Variants in MCCC2 observed in about 807,000 individuals in gnomAD.
MCCC2 encodes methylcrotonyl-CoA carboxylase subunit 2.
MCCC2 carries 52 observed loss-of-function variants against 77.2 expected under a neutral mutation model. That is an observed-to-expected ratio of 0.67 (90% confidence interval 0.54 to 0.85). The LOEUF (loss-of-function observed/expected upper bound fraction) is 0.85, where lower values mean the gene tolerates loss of function less well. Among genes scored for constraint, MCCC2 ranks in the 40% least tolerant of loss-of-function variants. The probability of loss-of-function intolerance (pLI) is 0.00; values close to 1 mark genes in which losing one functional copy is unlikely to be tolerated. For synonymous variants in MCCC2, 253 were observed against 248.4 expected (o/e 1.02, Z -0.18); for missense variants, 682 against 703.2 (o/e 0.97, Z 0.34).
intron 4 of MCCC2, among the ~76,000 whole-genome samples, chr5:71,600,425 A>G (rs1177137477): frequency 6.6e-6 from 1 of 151,430 alleles, no homozygotes. Flanking sequence ...CTAGCACATC[A>G]TTATAATTTT....
chr5:71,656,764 T>G lies in MCCC2; in HGVS notation c.1596T>G (p.Ile532Met), dbSNP rs1391230493. 2 of 1,614,088 alleles carry G rather than the reference T, an allele frequency of 1.2e-6. No homozygotes were observed. The highest frequency in any genetic ancestry group is 1.7e-6 in the Non-Finnish European group (2 of 1,179,956). ...TCAGGGTATGGGATGATGGGATCAT[T>G]GATCCAGCAGACACCAGACTGGTCT... ...SSARVWDDGI[I>M]DPADTRLVLG... The change falls in exon 17 of 17, where the codon ATT becomes ATG. Residue 532 changes from isoleucine to methionine, a missense_variant. Transcript: ENST00000340941.
intron 1 of MCCC2, among the ~76,000 whole-genome samples, chr5:71,590,275 T>C (rs1163484125): frequency 1.3e-5 from 2 of 152,142 alleles, no homozygotes; most frequent in African/African-American, 2.4e-5. Flanking sequence ...GCTAGGTTGG[T>C]TGATAAAGGA....
intron 3 of MCCC2, among the ~76,000 whole-genome samples, chr5:71,598,175 G>A (rs997103750): frequency 6.6e-6 from 1 of 151,086 alleles, no homozygotes; most frequent in African/African-American, 2.4e-5. Flanking sequence ...GGGTTCAAGC[G>A]ATTCTCCTGC....
At chr5:71,653,391 C>T (rs906102061) in intron 16 of MCCC2, among the ~76,000 whole-genome samples, 3 of 149,604 alleles carry the variant, frequency 2.0e-5, no homozygotes, top group African/African-American at 7.3e-5. Flanking sequence ...CATCTTTCTT[C>T]AACAACTTTA....
intron 6 of MCCC2, among the ~76,000 whole-genome samples, chr5:71,613,550 C>T (rs1192310442): frequency 1.3e-5 from 2 of 152,028 alleles, no homozygotes; most frequent in Non-Finnish European, 2.9e-5. Flanking sequence ...AATCCCAGTA[C>T]TTTGAGAGGC....
intron 16 of MCCC2, among the ~76,000 whole-genome samples, chr5:71,654,552 C>G (rs187061425): frequency 8.3e-4 from 126 of 151,688 alleles, no homozygotes; most frequent in African/African-American, 3.0e-3. Context: ...TTAAGCTTTT[C>G]TATAGTTTTT....
At chr5:71,614,049 C>CACACACACAT (rs1284730487) in intron 6 of MCCC2, among the ~76,000 whole-genome samples, 1 of 151,050 alleles carries the variant, frequency 6.6e-6, no homozygotes, top group Non-Finnish European at 1.5e-5. Flanking sequence ...CACACACACA[C>CACACACACAT]ATATATCAGT....
chr5:71,650,712 G>C (rs111961928), intron 15 of MCCC2, among the ~76,000 whole-genome samples: 1 of 152,076 alleles, frequency 6.6e-6, no homozygotes, highest in African/African-American at 2.4e-5. Flanking sequence ...GCAGTGGCAC[G>C]ATCTCGGCTC....
At chr5:71,607,412 C>T (rs1190147678) in intron 6 of MCCC2, among the ~76,000 whole-genome samples, 10 of 149,300 alleles carry the variant, frequency 6.7e-5, no homozygotes, top group East Asian at 4.0e-4. Flanking sequence ...TCTGTGGGAT[C>T]GGTGGTGATA....
intron 6 of MCCC2, among the ~76,000 whole-genome samples, chr5:71,612,216 A>G (rs1745981676): frequency 6.6e-6 from 1 of 152,064 alleles, no homozygotes; most frequent in South Asian, 2.1e-4. Context: ...TTTTTTTTGC[A>G]TGGTTGGAAT....
Position 71,609,809 on chromosome 5 carries a change from C to T in MCCC2, c.624+5341C>T, listed in dbSNP as rs1208382874. On this transcript the variant is annotated intron_variant, in intron 6 of 16. Coordinates refer to ENST00000340941, the MANE Select transcript of MCCC2 (RefSeq NM_022132.5). Reference sequence around the variant, plus strand: ...ACAGACAGGACCCTCAGCTGCAGGTCTGTTGGAATACCCTGCCGTGTGAGA... The same window carrying T: ...ACAGACAGGACCCTCAGCTGCAGGTTTGTTGGAATACCCTGCCGTGTGAGA... Among the ~76,000 whole-genome samples the T allele has an allele frequency of 5.9e-5, 9 of 152,126 alleles. No individual in the cohort carries two copies. In the East Asian group the frequency reaches 7.8e-4, roughly 13 times the overall value.
At chr5:71,602,376 G>C in intron 4 of MCCC2, 130 bp from the exon 5 acceptor site, 2 of 1,116,450 alleles carry the variant, frequency 1.8e-6, no homozygotes, top group African/African-American at 1.5e-5. Context: ...TAAGACTGCT[G>C]TCTGCTAATG....
At chr5:71,656,523 C>T (rs2112477907) in intron 16 of MCCC2, among the ~76,000 whole-genome samples, 1 of 152,266 alleles carries the variant, frequency 6.6e-6, no homozygotes, top group African/African-American at 2.4e-5. Context: ...CCTGACATGA[C>T]ATTCTGTGGT....
intron 7 of MCCC2, 46 bp downstream of exon 7, chr5:71,626,799 C>A: frequency 6.9e-7 from 1 of 1,448,910 alleles, no homozygotes; most frequent in Non-Finnish European, 9.7e-7. Context: ...GTATGCAGAA[C>A]ATAAAATACA....
chr5:71,641,156 C>T, intron 11 of MCCC2, 81 bp downstream of exon 11: 2 of 1,266,640 alleles, frequency 1.6e-6, no homozygotes, highest in Non-Finnish European at 1.1e-6. Flanking sequence ...GACTTTGATA[C>T]ACTTGACATG....
At chr5:71,646,081 TAAG>T (rs932993541) in intron 12 of MCCC2, 127 bp from the exon 13 acceptor site, 12 of 704,950 alleles carry the variant, frequency 1.7e-5, no homozygotes, top group South Asian at 7.1e-5. Flanking sequence ...AAAAAATTAA[TAAG>T]AAGAGAAAAA....
intron 6 of MCCC2, among the ~76,000 whole-genome samples, chr5:71,613,105 A>AC (rs1491440546): frequency 6.6e-6 from 1 of 152,182 alleles, no homozygotes; most frequent in Non-Finnish European, 1.5e-5. Context: ...TCTTATAAGA[A>AC]CACTTGTCAC....
Position 71,658,127 on chromosome 5 carries a change from G to A in MCCC2, c.*1267G>A, listed in dbSNP as rs562061724. The A allele has an allele frequency of 1.3e-5, 2 of 152,204 alleles. No homozygotes were observed. Among genetic ancestry groups the A allele is most frequent in the Non-Finnish European group, 2.9e-5 (2 of 68,016 alleles). 9.4% of individuals were successfully genotyped at this position (152,204 alleles called of 1,614,324 possible). A position where few individuals can be genotyped will look rare whatever the true frequency, so the allele number is the denominator to read the frequency against. ...AGATTACTCCCTTCAGTGATTTCTT[G>A]TAGAAGTGCCAATCCCTGAATGCCA... On this transcript the variant is annotated 3_prime_UTR_variant, in exon 17 of 17. Transcript: ENST00000340941.
chr5:71,630,527 T>C (rs971219148), intron 7 of MCCC2, among the ~76,000 whole-genome samples: 5 of 152,172 alleles, frequency 3.3e-5, no homozygotes, highest in Non-Finnish European at 7.3e-5. Context: ...ATATAATTTA[T>C]CTGTTGTTTA....
Sources: gnomAD v4.1 joint callset for allele counts (sites outside exome capture counted in the v4.1 genomes callset) on GRCh38, gnomAD v4.1.1 for gene constraint, MANE v1.5 for transcripts, NCBI Gene and HGNC (gene_info 2026-07-23, HGNC 2026-07-21) for gene names.